The following AMER3 variants were observed in gnomAD, a reference collection of about 807,000 sequenced individuals.
The protein encoded by AMER3 is APC membrane recruitment protein 3, also known as family with sequence similarity 123C.
For synonymous variants in AMER3, 541 were observed against 485.5 expected, an observed-to-expected ratio of 1.11 and a Z score of -1.50; for missense variants, 1,201 against 1,139.4, an observed-to-expected ratio of 1.05 and a Z score of -0.78.
rs776308012 is a variant in AMER3, at chr2:130,762,797, A to G, written c.725A>G (p.Gln242Arg). The change falls in exon 2 of 2, where the codon CAG becomes CGG. Residue 242 changes from glutamine (Q) to arginine (R), a missense_variant. By Grantham distance (43) the Gln-to-Arg change is conservative (BLOSUM62 1). Coordinates refer to ENST00000321420, the MANE Select transcript of AMER3 (RefSeq NM_152698.3). ...CTGTGTGAGGACGTGGCCTCACTCC[A>G]GAGCTTCGACTCGCTCACGGGTTGT... ...RALCEDVASL[Q>R]SFDSLTGCGE... 1 of 1,612,382 alleles carries G rather than the reference A, an allele frequency of 6.2e-7. No homozygotes were observed. The highest frequency in any genetic ancestry group is 1.1e-5 in the South Asian group (1 of 91,010).
intron 1 of AMER3, among the ~76,000 whole-genome samples, chr2:130,761,276 G>A (rs1678774494): frequency 6.6e-6 from 1 of 152,224 alleles, no homozygotes; most frequent in Non-Finnish European, 1.5e-5. Context: ...GCCCAGGGCA[G>A]ATCCCAGGAC....
rs913069900 is a variant in AMER3, at chr2:130,766,483, C to CTTT, written c.*1848_*1850dup. The CTTT allele has an allele frequency of 5.1e-3, 447 of 87,088 alleles. 3 individuals carry two copies. Among genetic ancestry groups the CTTT allele is most frequent in the Middle Eastern group, 0.02 (2 of 98 alleles). The allele number at this position is 87,088 out of a possible 1,614,324, so 5.4% of individuals were successfully genotyped here. A position where few individuals can be genotyped will look rare whatever the true frequency, so the allele number is the denominator to read the frequency against. On this transcript the variant is annotated 3_prime_UTR_variant, in exon 2 of 2. Coordinates refer to ENST00000321420, the MANE Select transcript of AMER3 (RefSeq NM_152698.3). The stretch of plus-strand genomic sequence containing the variant: ...GGCATGGCACCAGCATCTGCTGCTG[C>CTTT]TTTTTTTTTTTTTTTTTTTTTTTTT...
intron 1 of AMER3, among the ~76,000 whole-genome samples, chr2:130,756,033 G>A (rs1039294508): frequency 6.6e-6 from 1 of 152,114 alleles, no homozygotes; most frequent in African/African-American, 2.4e-5. Context: ...CAGAAACAGA[G>A]ACGGGGCGAT....
In AMER3 at chr2:130,764,803, C is replaced by A; in HGVS notation, c.*145C>A. On this transcript the variant is annotated 3_prime_UTR_variant, in exon 2 of 2. Transcript: ENST00000321420. ...CAGGACTCAGGCATGCAGAGGGTAG[C>A]ATGTTCATGTGGAGGCATCCTTGCC... is the stretch of plus-strand genomic sequence containing the variant. 9.4e-7 allele frequency: 1 copy of A among 1,068,502 alleles called. No homozygotes were observed. Among genetic ancestry groups the A allele is most frequent in the Non-Finnish European group, 1.3e-6 (1 of 752,978 alleles). 66.2% of individuals were successfully genotyped at this position (1,068,502 alleles called of 1,614,324 possible).
rs1309211445 is a variant in AMER3 at position 130,767,235 on chromosome 2, T to C, written c.*2577T>C. ...ATGGGCCATCCACATTCTCCAAGAT[T>C]AGCTTCTACCTCAACCAGCACACCT... On this transcript the variant is annotated 3_prime_UTR_variant, in exon 2 of 2. Transcript: ENST00000321420. 1 of 167,160 alleles carries C rather than the reference T, an allele frequency of 6.0e-6. No individual in the cohort carries two copies. Among genetic ancestry groups the C allele is most frequent in the Admixed American group, 6.5e-5 (1 of 15,270 alleles). The allele number at this position is 167,160 out of a possible 1,614,324, so 10.4% of individuals were successfully genotyped here.
Position 130,763,570 on chromosome 2 carries a change from A to G in AMER3, c.1498A>G (p.Thr500Ala). ...GGAGTGCCTGCTGAAGCTGTGTGAC[A>G]CTGAGCTCGCCATCACCATGGGCAT... ...GKECLLKLCD[T>A]ELAITMGIVS... Residue 500 changes from threonine (T) to alanine (A), a missense_variant, in exon 2 of 2, where the codon ACT becomes GCT. Transcript: ENST00000321420. 1.2e-6 allele frequency: 2 copies of G among 1,611,832 alleles called. No individual in the cohort carries two copies. The highest frequency in any genetic ancestry group is 2.2e-5 in the East Asian group (1 of 44,860).
chr2:130,762,669 A>G lies in AMER3; in HGVS notation c.597A>G (p.Lys199=). Reference sequence around the variant, plus strand: ...CAGACCCTGGGGGGCGGCGAAGCAAAGCCTTCCTCCCCCCGGGTGAGGGGC... The same window carrying G: ...CAGACCCTGGGGGGCGGCGAAGCAAGGCCTTCCTCCCCCCGGGTGAGGGGC... ...DPSDPGGRRS[K]AFLPPGEGPG... is the part of the protein sequence containing the mutation. Residue 199 remains lysine (K), a synonymous_variant, in exon 2 of 2, where the codon AAA becomes AAG. Coordinates refer to ENST00000321420, the MANE Select transcript of AMER3 (RefSeq NM_152698.3). 1 of 1,610,706 alleles carries G rather than the reference A, an allele frequency of 6.2e-7. No homozygotes were observed. The highest frequency in any genetic ancestry group is 1.3e-5 in the African/African-American group (1 of 74,792).
At chr2:130,762,016 C>A in intron 1 of AMER3, 38 bp from the exon 2 acceptor site, 3 of 1,556,602 alleles carry the variant, frequency 1.9e-6, no homozygotes, top group East Asian at 4.6e-5. Flanking sequence ...AGGGCCCTCC[C>A]GTCTATGATA....
Position 130,764,937 on chromosome 2 carries a change from G to C in AMER3, c.*279G>C, listed in dbSNP as rs553221083. On this transcript the variant is annotated 3_prime_UTR_variant, in exon 2 of 2. Transcript: ENST00000321420. ...AGAGGGGCTAGGGCTTGAAACTGAG[G>C]GGGAGAAAGAGCTGCACATTGTAAA... The C allele has an allele frequency of 5.5e-5, 23 of 422,000 alleles. No homozygotes were observed. Among genetic ancestry groups the C allele is most frequent in the Admixed American group, 3.1e-4 (8 of 25,456 alleles). 26.1% of individuals were successfully genotyped at this position (422,000 alleles called of 1,614,324 possible).
chr2:130,762,768 G>C lies in AMER3; in HGVS notation c.696G>C (p.Arg232Ser). ...LLADASFGLC[R>S]ALCEDVASLQ... ...CCGATGCATCCTTTGGTCTCTGCAGGGCCCTGTGTGAGGACGTGGCCTCAC... is the reference window on the plus strand; with the variant it reads ...CCGATGCATCCTTTGGTCTCTGCAGCGCCCTGTGTGAGGACGTGGCCTCAC... The change falls in exon 2 of 2, where the codon AGG (arginine) becomes AGC (serine). Residue 232 changes from arginine (R) to serine (S), a missense_variant. Transcript: ENST00000321420. 6.2e-7 allele frequency: 1 copy of C among 1,611,378 alleles called. No homozygotes were observed. The highest frequency in any genetic ancestry group is 8.5e-7 in the Non-Finnish European group (1 of 1,178,516).
Position 130,762,955 on chromosome 2 carries a change from C to G in AMER3, c.883C>G (p.Leu295Val). The change falls in exon 2 of 2, where the codon CTG becomes GTG. Residue 295 changes from leucine to valine, a missense_variant. Transcript: ENST00000321420. ...RGPLQGSVEQ[L>V]ASPAQNEASD... ...CCCTCTCCAGGGCAGTGTGGAGCAGCTGGCCTCGCCCGCCCAGAATGAAGC... is the reference window on the plus strand; with the variant it reads ...CCCTCTCCAGGGCAGTGTGGAGCAGGTGGCCTCGCCCGCCCAGAATGAAGC... 3 of 1,613,078 alleles carry G rather than the reference C, an allele frequency of 1.9e-6. No individual in the cohort carries two copies. Among genetic ancestry groups the G allele is most frequent in the Non-Finnish European group, 2.5e-6 (3 of 1,179,892 alleles).
chr2:130,762,606 G>A lies in AMER3; in HGVS notation c.534G>A (p.Ala178=), dbSNP rs375834725. The A allele has an allele frequency of 2.5e-6, 4 of 1,612,434 alleles. No individual in the cohort carries two copies. The East Asian group carries it at 6.7e-5, about 27-fold the overall frequency. The change falls in exon 2 of 2, where the codon GCG becomes GCA. Residue 178 remains alanine (A), a synonymous_variant. Transcript: ENST00000321420. The part of the protein sequence containing the change: ...RNKTEDLASL[A]AEGKSLPSPG... ...AGACTGAGGACTTGGCCTCGCTGGCGGCCGAGGGGAAAAGCCTGCCCTCCC... is the reference window on the plus strand; with the variant it reads ...AGACTGAGGACTTGGCCTCGCTGGCAGCCGAGGGGAAAAGCCTGCCCTCCC...
In AMER3 at chr2:130,764,064, T is replaced by C; in HGVS notation, c.1992T>C (p.Gly664=). 6.2e-7 allele frequency: 1 copy of C among 1,611,894 alleles called. No individual in the cohort carries two copies. The highest frequency in any genetic ancestry group is 8.5e-7 in the Non-Finnish European group (1 of 1,179,416). The change falls in exon 2 of 2, where the codon GGT becomes GGC. Residue 664 remains glycine, a synonymous_variant. Transcript: ENST00000321420. ...GCCCCTGGAGGCCAGGTCACGGAGG[T>C]GACACTCTGGATGCAGAGCCCATGC... ...FRGPWRPGHG[G]DTLDAEPMLA...
intron 1 of AMER3, among the ~76,000 whole-genome samples, chr2:130,758,523 A>T (rs1360671401): frequency 6.6e-6 from 1 of 152,254 alleles, no homozygotes; most frequent in Non-Finnish European, 1.5e-5. Flanking sequence ...CAGACTCTGC[A>T]TCCTGTTTAG....
At position 130,763,158 on chromosome 2, in the gene AMER3, C is replaced by G. The variant is rs530043742; in HGVS notation, c.1086C>G (p.Ser362=). ...CCTGCAGGGACCCTCGCAGCGGCTC[C>G]AAAGCCAGCTCCATCGACACAGGCA... The part of the protein sequence containing the change: ...LCPCRDPRSG[S]KASSIDTGTP... Residue 362 remains serine (S), a synonymous_variant, in exon 2 of 2, where the codon TCC becomes TCG. Coordinates refer to ENST00000321420, the MANE Select transcript of AMER3 (RefSeq NM_152698.3). 6.2e-6 allele frequency: 10 copies of G among 1,613,512 alleles called. No individual in the cohort carries two copies. In the African/African-American group the frequency reaches 1.1e-4, roughly 17 times the overall value.
chr2:130,762,937 C>CA lies in AMER3; in HGVS notation c.866dup (p.Ser291GlnfsTer12). ...GAGCAAGGTTCCCAGGGGCCCTCTC[C>CA]AGGGCAGTGTGGAGCAGCTGGCCTC... On this transcript the variant is annotated frameshift_variant, in exon 2 of 2. Transcript: ENST00000321420. LOFTEE classifies it low-confidence loss of function (END_TRUNC). 1.2e-6 allele frequency: 2 copies of CA among 1,612,970 alleles called. No homozygotes were observed. The highest frequency in any genetic ancestry group is 8.5e-7 in the Non-Finnish European group (1 of 1,179,814).
Position 130,763,731 on chromosome 2 carries a change from TGCAGGGGGG to T in AMER3, c.1662_1670del (p.Gly555_Ala557del), listed in dbSNP as rs1678886972. ...GGGGCAGGGAGGGCCTGGCCTCAGA[TGCAGGGGGG>T]GCGACAGTTTGCTCAGCACCCAGCA... On this transcript the variant is annotated inframe_deletion, in exon 2 of 2. Transcript: ENST00000321420. 1 of 1,578,666 alleles carries T rather than the reference TGCAGGGGGG, an allele frequency of 6.3e-7. No individual in the cohort carries two copies. Among genetic ancestry groups the T allele is most frequent in the Admixed American group, 1.8e-5 (1 of 55,030 alleles).
intron 1 of AMER3, among the ~76,000 whole-genome samples, chr2:130,760,070 G>C (rs1678731788): frequency 6.6e-6 from 1 of 152,222 alleles, no homozygotes; most frequent in East Asian, 1.9e-4. Flanking sequence ...GAAAGACTTA[G>C]GCATACACCA....
chr2:130,764,344 G>T lies in AMER3; in HGVS notation c.2272G>T (p.Glu758Ter). Residue 758 changes from glutamate to a stop codon, truncating the protein, a stop_gained, in exon 2 of 2, where the codon GAG (glutamate) becomes TAG (stop). Transcript: ENST00000321420. LOFTEE classifies it low-confidence loss of function (END_TRUNC). The stretch of plus-strand genomic sequence containing the variant: ...CCAGGACCTGAGCTGGCTCAGGGTG[G>T]AGCCCACCGGGCTAGGTGTCCAGGC... ...RVQDLSWLRVEPTGLGVQAWA... is the reference protein window; with the variant it reads ...RVQDLSWLRV 6.2e-7 allele frequency: 1 copy of T among 1,610,364 alleles called. No individual in the cohort carries two copies. Among genetic ancestry groups the T allele is most frequent in the Non-Finnish European group, 8.5e-7 (1 of 1,177,618 alleles).
Sources: gnomAD v4.1 joint callset for allele counts (sites outside exome capture counted in the v4.1 genomes callset) on GRCh38, gnomAD v4.1.1 for gene constraint, MANE v1.5 for transcripts, NCBI Gene and HGNC (gene_info 2026-07-23, HGNC 2026-07-21) for gene names.